PVT1: variants seen among roughly 807,000 people sequenced by gnomAD.
The protein encoded by PVT1 is Pvt1 oncogene, also known as CXCR4/PVT1 fusion.
rs578085623 is a variant in PVT1, at chr8:127,851,304, T to G, written n.373-39285T>G. Among the ~76,000 whole-genome samples, 12 of 152,288 alleles carry G rather than the reference T, an allele frequency of 7.9e-5. No individual in the cohort carries two copies. In the South Asian group the frequency reaches 8.3e-4, roughly 11 times the overall value. On this transcript the variant is annotated intron_variant and non_coding_transcript_variant, in intron 2 of 10. Coordinates refer to ENST00000651587, the Ensembl canonical transcript of PVT1. ...TCTGAGGTTTTTGTTTCCCCCTTTC[T>G]TTGGGGTGCACTGTGTGTGCATGGT... is the stretch of plus-strand genomic sequence containing the variant.
intron 5 of PVT1, among the ~76,000 whole-genome samples, chr8:128,086,271 AG>A (rs1814253904): frequency 6.6e-6 from 1 of 152,202 alleles, no homozygotes; most frequent in African/African-American, 2.4e-5. Context: ...AGTGGGCAAA[AG>A]GATGACACAG....
intron 3 of PVT1, among the ~76,000 whole-genome samples, chr8:127,931,264 A>T (rs1449560650): frequency 1.3e-5 from 2 of 151,974 alleles, no homozygotes; most frequent in East Asian, 3.9e-4. Context: ...TCCCAGGGAG[A>T]CCCCTTTTCC....
intron 4 of PVT1, among the ~76,000 whole-genome samples, chr8:128,028,201 C>T (rs767022045): frequency 7.2e-4 from 110 of 152,402 alleles, no homozygotes; most frequent in African/African-American, 2.6e-3. Flanking sequence ...GGCCCGAGCG[C>T]GCAAGGCAGG....
intron 2 of PVT1, among the ~76,000 whole-genome samples, chr8:127,862,128 C>T (rs1815235029): frequency 6.6e-6 from 1 of 152,200 alleles, no homozygotes; most frequent in Non-Finnish European, 1.5e-5. Flanking sequence ...ACTTTTCTGG[C>T]TGGGCGCGTT....
At chr8:127,975,521 A>G (rs1293728304) in intron 3 of PVT1, among the ~76,000 whole-genome samples, 1 of 152,166 alleles carries the variant, frequency 6.6e-6, no homozygotes, top group Non-Finnish European at 1.5e-5. Flanking sequence ...GCCAGTTGCA[A>G]CGCAGCCTTG....
At chr8:128,025,030 A>G (rs1368161010) in intron 4 of PVT1, among the ~76,000 whole-genome samples, 1 of 152,208 alleles carries the variant, frequency 6.6e-6, no homozygotes, top group Non-Finnish European at 1.5e-5. Context: ...AACACCTCCA[A>G]GGATCTGAGG....
chr8:127,840,415 A>G (rs74380895), intron 2 of PVT1, among the ~76,000 whole-genome samples: 6,432 of 152,340 alleles, frequency 0.042, 494 homozygotes, highest in African/African-American at 0.15. Flanking sequence ...GTGTCTCAAA[A>G]GAGGATATTC....
At chr8:128,018,333 A>G (rs1026569154) in intron 4 of PVT1, among the ~76,000 whole-genome samples, 1 of 152,172 alleles carries the variant, frequency 6.6e-6, no homozygotes, top group Non-Finnish European at 1.5e-5. Flanking sequence ...ACAGGCTGGA[A>G]ATTGGTAGAT....
At chr8:127,901,756 T>C (rs1815761738) in intron 3 of PVT1, among the ~76,000 whole-genome samples, 1 of 151,738 alleles carries the variant, frequency 6.6e-6, no homozygotes, top group Non-Finnish European at 1.5e-5. Context: ...GAGTTTTTTT[T>C]TTTTTAAATT....
chr8:127,842,271 T>G (rs1042497668), intron 2 of PVT1, among the ~76,000 whole-genome samples: 3 of 151,144 alleles, frequency 2.0e-5, no homozygotes, highest in African/African-American at 7.3e-5. Context: ...TTTTTTTTTT[T>G]TAAGAAAGAA....
At chr8:127,924,218 T>A (rs1816098272) in intron 3 of PVT1, among the ~76,000 whole-genome samples, 1 of 152,238 alleles carries the variant, frequency 6.6e-6, no homozygotes, top group Non-Finnish European at 1.5e-5. Context: ...CTGGTGTTAT[T>A]CCTTCACATC....
intron 6 of PVT1, among the ~76,000 whole-genome samples, chr8:128,097,058 G>A (rs1289788203): frequency 6.6e-6 from 1 of 152,158 alleles, no homozygotes; most frequent in African/African-American, 2.4e-5. Flanking sequence ...TCTAGATCAG[G>A]GGTCCTTAAA....
At chr8:128,019,772 C>T (rs1027104716) in intron 4 of PVT1, among the ~76,000 whole-genome samples, 1 of 152,158 alleles carries the variant, frequency 6.6e-6, no homozygotes, top group Non-Finnish European at 1.5e-5. Context: ...AAGGCAGAAT[C>T]GGCCCCCCAG....
intron 4 of PVT1, among the ~76,000 whole-genome samples, chr8:128,002,905 CTTCT>C (rs1817197035): frequency 6.6e-6 from 1 of 151,146 alleles, no homozygotes; most frequent in South Asian, 2.1e-4. Flanking sequence ...CTTTTTTTCT[CTTCT>C]TTCTTTTTCC....
chr8:127,854,198 T>C (rs1469819624), intron 2 of PVT1, among the ~76,000 whole-genome samples: 1 of 152,246 alleles, frequency 6.6e-6, no homozygotes, highest in East Asian at 1.9e-4. Context: ...GTAGATCATG[T>C]AGCACTGCTG....
At chr8:128,035,196 G>C (rs1813447009) in intron 4 of PVT1, among the ~76,000 whole-genome samples, 1 of 152,192 alleles carries the variant, frequency 6.6e-6, no homozygotes, top group Admixed American at 6.5e-5. Flanking sequence ...AGTCCTGCCT[G>C]GGTTCCCAGG....
At chr8:127,867,347 C>G (rs937069548) in intron 2 of PVT1, among the ~76,000 whole-genome samples, 1 of 152,214 alleles carries the variant, frequency 6.6e-6, no homozygotes, top group African/African-American at 2.4e-5. Context: ...CCTGGAACAC[C>G]CCCATTTACT....
intron 4 of PVT1, among the ~76,000 whole-genome samples, chr8:127,990,698 G>A (rs989970186): frequency 2.0e-5 from 3 of 152,204 alleles, no homozygotes. Flanking sequence ...CTTTTGTATT[G>A]TGCCTTAAAT....
Position 127,955,018 on chromosome 8 carries a change from T to C in PVT1, n.783-34144T>C, listed in dbSNP as rs138269968. Among the ~76,000 whole-genome samples the C allele has an allele frequency of 9.7e-3, 1,481 of 152,354 alleles. 21 individuals are homozygous for C. Among genetic ancestry groups the C allele is most frequent in the African/African-American group, 0.034 (1,414 of 41,584 alleles). On this transcript the variant is annotated intron_variant and non_coding_transcript_variant, in intron 3 of 10. Coordinates refer to ENST00000651587, the Ensembl canonical transcript of PVT1. Reference sequence around the variant, plus strand: ...ATCATACTATGTGTTATGGGCTGAATTGTGTCTCTGCAAATTCACATGTTG... The same window carrying C: ...ATCATACTATGTGTTATGGGCTGAACTGTGTCTCTGCAAATTCACATGTTG...
Sources: gnomAD v4.1 joint callset for allele counts (sites outside exome capture counted in the v4.1 genomes callset) on GRCh38, gnomAD v4.1.1 for gene constraint, MANE v1.5 for transcripts, NCBI Gene and HGNC (gene_info 2026-07-23, HGNC 2026-07-21) for gene names.